The following L3MBTL4 variants were observed in gnomAD, a reference collection of about 807,000 sequenced individuals.
L3MBTL4 encodes L3MBTL histone methyl-lysine binding protein 4, also known as lethal(3)malignant brain tumor-like protein 4.
A neutral mutation model predicts 84.5 loss-of-function variants in L3MBTL4; 70 were observed. The ratio of observed to expected loss-of-function variants is 0.83; its 90% CI spans 0.68 to 1.01. The LOEUF (loss-of-function observed/expected upper bound fraction) is 1.01. Ranked by LOEUF, L3MBTL4 falls within the 50% of genes least tolerant of loss-of-function variation. The pLI is 0.00. For missense variants in L3MBTL4, 715 were observed against 754.8 expected (o/e 0.95, Z 0.62); for synonymous variants, 274 against 259.8 (o/e 1.05, Z -0.52).
intron 16 of L3MBTL4, among the ~76,000 whole-genome samples, chr18:6,049,914 G>A (rs2056780560): frequency 1.3e-5 from 2 of 152,154 alleles, no homozygotes; most frequent in South Asian, 4.1e-4. Context: ...TGCACACAAA[G>A]CTCAATTTGT....
chr18:6,371,667 A>G (rs1169304163), intron 1 of L3MBTL4, among the ~76,000 whole-genome samples: 1 of 152,228 alleles, frequency 6.6e-6, no homozygotes, highest in East Asian at 1.9e-4. Context: ...GCTTGGTAAT[A>G]ACAAATAATG....
chr18:6,029,275 G>T, intron 16 of L3MBTL4: 1 of 213,982 alleles, frequency 4.7e-6, no homozygotes, highest in Non-Finnish European at 8.0e-6. Context: ...AGAGGGCCCT[G>T]ACCCTGTCTG....
intron 14 of L3MBTL4, among the ~76,000 whole-genome samples, chr18:6,103,328 C>T (rs1348488220): frequency 6.6e-6 from 1 of 152,104 alleles, no homozygotes; most frequent in South Asian, 2.1e-4. Flanking sequence ...ATTGTTTTCA[C>T]CTTTTTAATT....
intron 16 of L3MBTL4, among the ~76,000 whole-genome samples, chr18:6,037,187 C>T (rs541578869): frequency 7.9e-5 from 12 of 152,318 alleles, no homozygotes; most frequent in South Asian, 6.2e-4. Context: ...CTTGCTCCCA[C>T]GAGCAGTGTG....
Position 5,954,920 on chromosome 18 carries a change from T to C in L3MBTL4, c.*1300A>G, listed in dbSNP as rs913172141. The C allele has an allele frequency of 3.3e-5, 5 of 152,018 alleles. No individual in the cohort carries two copies. The highest frequency in any genetic ancestry group is 1.2e-4 in the African/African-American group (5 of 41,380). The allele number at this position is 152,018 out of a possible 1,614,324, so 9.4% of individuals were successfully genotyped here. Reference sequence around the variant, plus strand: ...TGTTATATATGCACACCTCTTAGAGTTTGTTTATTTTCTTCAGTGAAAAAA... The same window carrying C: ...TGTTATATATGCACACCTCTTAGAGCTTGTTTATTTTCTTCAGTGAAAAAA... On this transcript the variant is annotated 3_prime_UTR_variant, in exon 19 of 19. Transcript: ENST00000317931.
At position 6,391,405 on chromosome 18, in the gene L3MBTL4, T is replaced by TC. The variant is rs1385646702; in HGVS notation, c.-91+23395dup. Reference sequence around the variant, plus strand: ...CTGAATAGAGAAAAGTTGAAAGCATTCCCCATGAGACCAGAACAAGACAAG... The same window carrying TC: ...CTGAATAGAGAAAAGTTGAAAGCATTCCCCCATGAGACCAGAACAAGACAAG... On this transcript the variant is annotated intron_variant, in intron 1 of 18. Transcript: ENST00000317931. Among the ~76,000 whole-genome samples the TC allele has an allele frequency of 2.0e-5, 3 of 152,014 alleles. No homozygotes were observed. The East Asian group carries it at 5.8e-4, about 29-fold the overall frequency.
chr18:6,349,534 C>T (rs1033295317), intron 1 of L3MBTL4, among the ~76,000 whole-genome samples: 1 of 151,942 alleles, frequency 6.6e-6, no homozygotes. Flanking sequence ...GAGACCAGCC[C>T]GAGCAACACA....
At chr18:6,377,279 C>T (rs1257275890) in intron 1 of L3MBTL4, among the ~76,000 whole-genome samples, 1 of 152,024 alleles carries the variant, frequency 6.6e-6, no homozygotes, top group African/African-American at 2.4e-5. Flanking sequence ...CTCTCCTGGC[C>T]GTGTCCACTT....
intron 12 of L3MBTL4, among the ~76,000 whole-genome samples, chr18:6,208,975 G>A (rs552335293): frequency 6.6e-6 from 1 of 152,238 alleles, no homozygotes; most frequent in East Asian, 1.9e-4. Context: ...GATTTATGAG[G>A]GTGAGCGAGT....
intron 16 of L3MBTL4, among the ~76,000 whole-genome samples, chr18:6,038,398 C>T (rs973677453): frequency 6.6e-6 from 1 of 151,838 alleles, no homozygotes; most frequent in South Asian, 2.1e-4. Context: ...GGACTATAGG[C>T]GTCCGCCACC....
At chr18:6,118,386 A>C (rs754930873) in intron 14 of L3MBTL4, among the ~76,000 whole-genome samples, 17 of 152,164 alleles carry the variant, frequency 1.1e-4, no homozygotes, top group Non-Finnish European at 7.3e-5. Flanking sequence ...AGAGATGTTC[A>C]CAGGACCACC....
At chr18:6,352,204 A>T (rs1335587701) in intron 1 of L3MBTL4, among the ~76,000 whole-genome samples, 1 of 152,198 alleles carries the variant, frequency 6.6e-6, no homozygotes, top group Non-Finnish European at 1.5e-5. Context: ...GCACCTAGCC[A>T]CTTAAAAGAC....
chr18:5,974,763 A>T (rs1234982246), intron 16 of L3MBTL4, among the ~76,000 whole-genome samples: 1 of 152,174 alleles, frequency 6.6e-6, no homozygotes, highest in Non-Finnish European at 1.5e-5. Context: ...CCAGGAGTTC[A>T]AGACCAGACT....
intron 4 of L3MBTL4, among the ~76,000 whole-genome samples, chr18:6,268,523 G>C (rs2048732181): frequency 1.3e-5 from 2 of 152,140 alleles, no homozygotes; most frequent in South Asian, 4.1e-4. Context: ...CAGTTTCCTG[G>C]ACAGAAGGAA....
At chr18:6,080,840 A>T in intron 16 of L3MBTL4, 41 bp downstream of exon 16, 1 of 1,406,756 alleles carries the variant, frequency 7.1e-7, no homozygotes, top group Non-Finnish European at 9.9e-7. Context: ...TCTGCACAAC[A>T]AAAAGTATAT....
intron 16 of L3MBTL4, among the ~76,000 whole-genome samples, chr18:6,068,451 C>T (rs2057469002): frequency 6.6e-6 from 1 of 152,092 alleles, no homozygotes; most frequent in African/African-American, 2.4e-5. Context: ...CCTCAGCTCC[C>T]CTGCCAGGCA....
rs535566672 is a variant in L3MBTL4, at chr18:6,380,164, T to G, written c.-91+34637A>C. Among the ~76,000 whole-genome samples the G allele has an allele frequency of 5.0e-4, 76 of 152,300 alleles. 1 individual carries two copies. Among genetic ancestry groups the G allele is most frequent in the African/African-American group, 1.8e-3 (73 of 41,576 alleles). On this transcript the variant is annotated intron_variant, in intron 1 of 18. Coordinates refer to ENST00000317931, the MANE Select transcript of L3MBTL4 (RefSeq NM_001330559.2). ...TATTTCTGTGGGATCAGTGGTGATATTCCCTATATCATTTTTATTGTGTCT... is the reference window on the plus strand; with the variant it reads ...TATTTCTGTGGGATCAGTGGTGATAGTCCCTATATCATTTTTATTGTGTCT...
chr18:6,398,713 AT>A (rs1368371075), intron 1 of L3MBTL4, among the ~76,000 whole-genome samples: 2 of 112,892 alleles, frequency 1.8e-5, no homozygotes, highest in East Asian at 3.0e-4. Context: ...TTACACACAC[AT>A]TTTTTTAATT....
At chr18:6,222,151 A>G (rs1460426550) in intron 10 of L3MBTL4, among the ~76,000 whole-genome samples, 2 of 152,230 alleles carry the variant, frequency 1.3e-5, no homozygotes, top group Non-Finnish European at 2.9e-5. Context: ...ATTCATATTC[A>G]GCTCATAACA....
Sources: allele counts gnomAD v4.1 joint callset (sites outside exome capture counted in the v4.1 genomes callset), GRCh38; gene constraint gnomAD v4.1.1; transcripts MANE v1.5; gene names NCBI Gene and HGNC (gene_info 2026-07-23, HGNC 2026-07-21).